Variants in ZIM2 observed in about 807,000 individuals in gnomAD.
ZIM2 encodes zinc finger protein 656.
Under a neutral mutation model 38.6 loss-of-function variants are expected in ZIM2, and 14 were observed. The ratio of observed to expected loss-of-function variants is 0.36; its 90% CI spans 0.24 to 0.57. The LOEUF is 0.57. Among genes scored for constraint, ZIM2 ranks in the 20% least tolerant of loss-of-function variants. ZIM2 has a pLI of 0.81. For synonymous variants in ZIM2, 247 were observed against 245.8 expected (o/e 1.00, Z -0.04); for missense variants, 680 against 695.1 (o/e 0.98, Z 0.24).
At chr19:56,805,463 C>T (rs1433948049) in intron 9 of ZIM2, among the ~76,000 whole-genome samples, 2 of 152,198 alleles carry the variant, frequency 1.3e-5, no homozygotes, top group Non-Finnish European at 2.9e-5. Flanking sequence ...ATTCCCCAAT[C>T]CTTCCTTACT....
At position 56,815,559 on chromosome 19, in the gene ZIM2, T is replaced by C. The variant is rs147571007; in HGVS notation, c.490+2187A>G. On this transcript the variant is annotated intron_variant, in intron 9 of 12. Coordinates refer to ENST00000629319, the MANE Select transcript of ZIM2 (RefSeq NM_001387356.1). Reference sequence around the variant, plus strand: ...CATAGAGCATCCCTCGAGGGCGAAATGTTTGTTCACCAAAAGGCAGAGAGT... The same window carrying C: ...CATAGAGCATCCCTCGAGGGCGAAACGTTTGTTCACCAAAAGGCAGAGAGT... 3.9e-4 allele frequency: 630 copies of C among 1,614,052 alleles called. 2 individuals are homozygous for C. In the African/African-American group the frequency reaches 7.3e-3, roughly 19 times the overall value.
chr19:56,774,593 C>A lies in ZIM2; in HGVS notation c.*95G>T. On this transcript the variant is annotated 3_prime_UTR_variant, in exon 13 of 13. Coordinates refer to ENST00000629319, the MANE Select transcript of ZIM2 (RefSeq NM_001387356.1). ...CTTTGATGAATGTTCAAGTTGTTAA[C>A]AAGGTGGGGCTAGTGAAAGGCCTTC... The A allele has an allele frequency of 7.0e-6, 10 of 1,421,582 alleles. No homozygotes were observed. Among genetic ancestry groups the A allele is most frequent in the Admixed American group, 2.4e-5 (1 of 42,178 alleles). The allele number at this position is 1,421,582 out of a possible 1,614,324, so 88.1% of individuals were successfully genotyped here. A position where few individuals can be genotyped will look rare whatever the true frequency, so the allele number is the denominator to read the frequency against.
intron 2 of ZIM2, among the ~76,000 whole-genome samples, chr19:56,827,955 G>A (rs1270368226): frequency 1.3e-5 from 2 of 152,218 alleles, no homozygotes; most frequent in Non-Finnish European, 2.9e-5. Flanking sequence ...TCAGGAAAGG[G>A]AGGGCAACTT....
At chr19:56,810,561 T>G in intron 9 of ZIM2, 1 of 941,696 alleles carries the variant, frequency 1.1e-6, no homozygotes, top group Middle Eastern at 5.4e-4. Flanking sequence ...AAGTTTTGTA[T>G]GAGTATGTAT....
chr19:56,832,771 A>G (rs2061695717), intron 2 of ZIM2, among the ~76,000 whole-genome samples: 1 of 152,114 alleles, frequency 6.6e-6, no homozygotes, highest in Non-Finnish European at 1.5e-5. Flanking sequence ...TTGATCTCCA[A>G]AGGATGTTTT....
In ZIM2 at chr19:56,821,673, C is replaced by A; in HGVS notation, c.272G>T (p.Arg91Met). ...TACCTGAGATCGGGACTCATAAGCC[C>A]TGGAGTCCCTGTCGTCCTCTCTGTC... ...EMDREDDRDS[R>M]AYESRSQDAE... The change falls in exon 7 of 13, where the codon AGG becomes ATG. Residue 91 changes from arginine to methionine, a missense_variant. Arg to Met is a moderately conservative substitution (Grantham distance 91). Coordinates refer to ENST00000629319, the MANE Select transcript of ZIM2 (RefSeq NM_001387356.1). 6.2e-7 allele frequency: 1 copy of A among 1,614,006 alleles called. No homozygotes were observed. Among genetic ancestry groups the A allele is most frequent in the East Asian group, 2.2e-5 (1 of 44,862 alleles).
Position 56,822,769 on chromosome 19 carries a change from G to C in ZIM2, c.174C>G (p.Thr58=). The C allele has an allele frequency of 6.2e-7, 1 of 1,614,136 alleles. No individual in the cohort carries two copies. ...DMEPRDRWSH[T]RNPRSRMPPR... ...AAGACTCACTGCTTCTTGGGTTCCT[G>C]GTGTGGGACCAGCGGTCTCGTGGCT... is the stretch of plus-strand genomic sequence containing the variant. Residue 58 remains threonine, a synonymous_variant, in exon 6 of 13, where the codon ACC becomes ACG. Transcript: ENST00000629319.
Position 56,814,789 on chromosome 19 carries a change from G to GGATTCCTCTCTGCAGCAC in ZIM2, c.490+2939_490+2956dup, listed in dbSNP as rs753083486. On this transcript the variant is annotated intron_variant, in intron 9 of 12. Coordinates refer to ENST00000629319, the MANE Select transcript of ZIM2 (RefSeq NM_001387356.1). The surrounding 1 kb of genome is among the most constrained non-coding windows in gnomAD (Gnocchi z 5.8). ...TCGAATGGCCGACCCAGCAAGAGCAGGATTCCTCTCTGCAGCACGATTCCT... is the reference window on the plus strand; with the variant it reads ...TCGAATGGCCGACCCAGCAAGAGCAGGATTCCTCTCTGCAGCACGATTCCTCTCTGCAGCACGATTCCT... The GGATTCCTCTCTGCAGCAC allele has an allele frequency of 1.9e-6, 3 of 1,614,162 alleles. No individual in the cohort carries two copies. The highest frequency in any genetic ancestry group is 8.5e-7 in the Non-Finnish European group (1 of 1,180,032).
Position 56,827,499 on chromosome 19 carries a change from A to T in ZIM2, c.-226-1036T>A, listed in dbSNP as rs2061160064. Among the ~76,000 whole-genome samples the T allele has an allele frequency of 2.6e-5, 4 of 152,192 alleles. No homozygotes were observed. In the South Asian group the frequency reaches 8.3e-4, roughly 32 times the overall value. On this transcript the variant is annotated intron_variant, in intron 2 of 12. Transcript: ENST00000629319. ...AGTAAAGAAAGGCTTTGGAAACAAAACAATCAATCATAAAGCCGGGCAACA... is the reference window on the plus strand; with the variant it reads ...AGTAAAGAAAGGCTTTGGAAACAAATCAATCAATCATAAAGCCGGGCAACA...
chr19:56,811,249 T>TACA, intron 9 of ZIM2: 2 of 954,996 alleles, frequency 2.1e-6, no homozygotes, highest in Non-Finnish European at 2.5e-6. Flanking sequence ...ACTATAAGCC[T>TACA]ACAACAACAA....
chr19:56,801,768 G>A (rs2047535860), intron 9 of ZIM2, among the ~76,000 whole-genome samples: 1 of 152,194 alleles, frequency 6.6e-6, no homozygotes, highest in Non-Finnish European at 1.5e-5. Context: ...ACTCCAAAAA[G>A]TAAAATTAGA....
intron 9 of ZIM2, chr19:56,813,875 G>A: frequency 6.2e-7 from 1 of 1,614,176 alleles, no homozygotes; most frequent in Admixed American, 1.7e-5. Flanking sequence ...GTTTTCAGGT[G>A]TTCACTGAAT....
chr19:56,839,224 C>A (rs996934262), intron 1 of ZIM2, among the ~76,000 whole-genome samples: 1 of 151,932 alleles, frequency 6.6e-6, no homozygotes, highest in Admixed American at 6.6e-5. Context: ...CACCAACCAA[C>A]CAGGACAGCA....
chr19:56,786,051 C>T (rs934775043), intron 10 of ZIM2, among the ~76,000 whole-genome samples: 4 of 152,146 alleles, frequency 2.6e-5, no homozygotes, highest in African/African-American at 7.2e-5. Flanking sequence ...CATCTTCCCA[C>T]GCCCTACCCC....
At chr19:56,802,973 G>T (rs1320913250) in intron 9 of ZIM2, among the ~76,000 whole-genome samples, 1 of 152,206 alleles carries the variant, frequency 6.6e-6, no homozygotes, top group Non-Finnish European at 1.5e-5. Context: ...TTCAAAGGTT[G>T]GACCCACTGA....
intron 2 of ZIM2, among the ~76,000 whole-genome samples, chr19:56,828,218 T>C (rs1371795855): frequency 6.6e-6 from 1 of 152,092 alleles, no homozygotes; most frequent in Non-Finnish European, 1.5e-5. Context: ...TCCATAGTCA[T>C]ACCCTAACCT....
At chr19:56,810,700 C>A in intron 9 of ZIM2, 1 of 982,860 alleles carries the variant, frequency 1.0e-6, no homozygotes. Context: ...TTTTCCACAT[C>A]TTTTCATTTA....
At chr19:56,823,772 C>T in intron 4 of ZIM2, 93 bp from the exon 5 acceptor site, 1 of 1,424,684 alleles carries the variant, frequency 7.0e-7, no homozygotes, top group Non-Finnish European at 9.9e-7. Flanking sequence ...CTGTCACAGA[C>T]ACACATGGTT....
intron 9 of ZIM2, among the ~76,000 whole-genome samples, chr19:56,804,659 G>T (rs572230935): frequency 6.6e-6 from 1 of 152,316 alleles, no homozygotes; most frequent in South Asian, 2.1e-4. Flanking sequence ...GTCCCACTCA[G>T]TATGATTAGA....
Sources: gnomAD v4.1 joint callset for allele counts (sites outside exome capture counted in the v4.1 genomes callset) on GRCh38, gnomAD v4.1.1 for gene constraint, Gnocchi (gnomAD v3.1) non-coding constraint, MANE v1.5 for transcripts, NCBI Gene and HGNC (gene_info 2026-07-23, HGNC 2026-07-21) for gene names.